The following EML6 variants were observed in gnomAD, a reference collection of about 807,000 sequenced individuals.
The protein encoded by EML6 is EMAP like 6, also known as echinoderm microtubule-associated protein-like 6.
In EML6, 154 loss-of-function variants were observed where a neutral mutation model predicts 240.1. The ratio of observed to expected loss-of-function variants is 0.64; its 90% CI spans 0.56 to 0.73. The LOEUF (loss-of-function observed/expected upper bound fraction) is 0.73, where lower values mean the gene tolerates loss of function less well. Ranked by LOEUF, EML6 falls within the 30% of genes least tolerant of loss-of-function variation. EML6 has a pLI of 0.00. For synonymous variants in EML6, 1,148 were observed against 899.0 expected, an observed-to-expected ratio of 1.28 and a Z score of -4.95; for missense variants, 2,964 against 2,474.6, an observed-to-expected ratio of 1.20 and a Z score of -4.20.
chr2:54,941,633 C>A (rs1414419435), intron 28 of EML6, among the ~76,000 whole-genome samples: 1 of 152,222 alleles, frequency 6.6e-6, no homozygotes, highest in Non-Finnish European at 1.5e-5. Flanking sequence ...ACTTCTAGTT[C>A]TACATTTCCA....
intron 7 of EML6, among the ~76,000 whole-genome samples, chr2:54,840,728 C>T (rs776004963): frequency 3.3e-5 from 5 of 152,198 alleles, no homozygotes; most frequent in African/African-American, 4.8e-5. Context: ...GCATCTACCA[C>T]GTGACAGTCA....
chr2:54,735,029 C>T (rs1683332781), intron 2 of EML6, among the ~76,000 whole-genome samples: 1 of 152,188 alleles, frequency 6.6e-6, no homozygotes. Context: ...ATCTGGCATC[C>T]TATTTTGTGT....
chr2:54,816,937 G>C (rs1668107548), intron 4 of EML6, 52 bp downstream of exon 4: 1 of 1,073,250 alleles, frequency 9.3e-7, no homozygotes, highest in South Asian at 1.3e-5. Flanking sequence ...GGGGGGACTT[G>C]TGATATCGCG....
intron 2 of EML6, among the ~76,000 whole-genome samples, chr2:54,791,758 A>T (rs11125547): frequency 0.2 from 30,966 of 152,032 alleles, 6,163 homozygotes; most frequent in African/African-American, 0.51. Flanking sequence ...TGTCCACCCT[A>T]CCGTTTGCCC....
chr2:54,726,580 A>G (rs180974651), intron 2 of EML6, among the ~76,000 whole-genome samples: 1 of 152,306 alleles, frequency 6.6e-6, no homozygotes, highest in East Asian at 1.9e-4. Flanking sequence ...TAGTGGAACT[A>G]GCATGTAAAA....
rs1478812443 is a variant in EML6, at chr2:54,953,969, C to G, written c.4313-14C>G. ...TGTCAGCCTTACTTCTTTGTCATGC[C>G]TCTCCACACTCAGGGACAACACCTT... is the stretch of plus-strand genomic sequence containing the variant. On this transcript the variant is annotated splice_polypyrimidine_tract_variant and intron_variant, in intron 31 of 41. Transcript: ENST00000356458. 1 of 1,542,884 alleles carries G rather than the reference C, an allele frequency of 6.5e-7. No individual in the cohort carries two copies. Among genetic ancestry groups the G allele is most frequent in the Non-Finnish European group, 8.8e-7 (1 of 1,141,012 alleles).
intron 32 of EML6, among the ~76,000 whole-genome samples, chr2:54,955,565 G>A (rs551324772): frequency 1.1e-4 from 16 of 152,326 alleles, no homozygotes; most frequent in Admixed American, 3.9e-4. Context: ...ATCCTTGGAA[G>A]AAAGCTCTCA....
intron 28 of EML6, among the ~76,000 whole-genome samples, chr2:54,930,419 T>A (rs1446563975): frequency 6.6e-6 from 1 of 152,210 alleles, no homozygotes; most frequent in Non-Finnish European, 1.5e-5. Flanking sequence ...CCTAAGAATT[T>A]TTCATTTTAA....
chr2:54,891,005 T>C (rs1294260037), intron 17 of EML6, 49 bp from the exon 18 acceptor site: 1 of 884,122 alleles, frequency 1.1e-6, no homozygotes, highest in Admixed American at 2.3e-5. Context: ...ATAAAACTGT[T>C]ACTGCTTCCA....
chr2:54,802,116 A>G (rs1238359974), intron 2 of EML6, among the ~76,000 whole-genome samples: 2 of 152,172 alleles, frequency 1.3e-5, no homozygotes, highest in Non-Finnish European at 2.9e-5. Flanking sequence ...TCTGGGGGTC[A>G]TCAATGGAAA....
chr2:54,844,194 C>T lies in EML6; in HGVS notation c.995C>T (p.Ala332Val), dbSNP rs763513311. The change falls in exon 8 of 42, where the codon GCC (alanine) becomes GTC (valine). Residue 332 changes from alanine (A) to valine (V), a missense_variant. Physicochemically the swap from Ala to Val is moderately conservative, Grantham distance 64 (BLOSUM62 0). Coordinates refer to ENST00000356458, the MANE Select transcript of EML6 (RefSeq NM_001039753.4). ...TGCGAGGGTGAGCTCTGGGCTCTGG[C>T]CCTGCACCCCAAGAAGCCTCTGGCT... ...GHCEGELWALALHPKKPLAVT... is the reference protein window; with the variant it reads ...GHCEGELWALVLHPKKPLAVT... 3 of 1,551,580 alleles carry T rather than the reference C, an allele frequency of 1.9e-6. No homozygotes were observed. The highest frequency in any genetic ancestry group is 1.4e-5 in the African/African-American group (1 of 73,054).
intron 8 of EML6, 40 bp downstream of exon 8, chr2:54,844,288 A>G: frequency 6.7e-7 from 1 of 1,503,458 alleles, no homozygotes; most frequent in Non-Finnish European, 9.1e-7. Context: ...CTTCTTTGAG[A>G]TGGATTTATT....
intron 26 of EML6, among the ~76,000 whole-genome samples, chr2:54,917,759 C>T (rs954743822): frequency 1.3e-5 from 2 of 152,176 alleles, no homozygotes; most frequent in African/African-American, 2.4e-5. Flanking sequence ...TTTGACTCCC[C>T]GAAGTCTCAT....
At chr2:54,857,815 G>A (rs1229040334) in intron 11 of EML6, among the ~76,000 whole-genome samples, 1 of 152,168 alleles carries the variant, frequency 6.6e-6, no homozygotes, top group Non-Finnish European at 1.5e-5. Flanking sequence ...TTAGGGAATA[G>A]CAAAGAGACC....
At position 54,789,537 on chromosome 2, in the gene EML6, A is replaced by G. The variant is rs1474126163; in HGVS notation, c.198-23695A>G. 9.7e-4 allele frequency among the ~76,000 whole-genome samples: 141 copies of G among 145,898 alleles called. 1 individual carries two copies. Among genetic ancestry groups the G allele is most frequent in the African/African-American group, 3.5e-3 (131 of 37,522 alleles). ...TCAAAAAAAAAAAAAAAAAAAAAAA[A>G]AAAAAAAAAAAGAAAAAGAATGTGC... On this transcript the variant is annotated intron_variant, in intron 2 of 41. Transcript: ENST00000356458.
chr2:54,937,299 CTT>C (rs1319878944), intron 28 of EML6, among the ~76,000 whole-genome samples: 1 of 148,848 alleles, frequency 6.7e-6, no homozygotes, highest in Non-Finnish European at 1.5e-5. Context: ...AAGAAGAAGT[CTT>C]AGGCTAAGCA....
At chr2:54,864,938 G>C (rs1281736830) in intron 13 of EML6, among the ~76,000 whole-genome samples, 1 of 152,188 alleles carries the variant, frequency 6.6e-6, no homozygotes, top group African/African-American at 2.4e-5. Context: ...AAATCATCTT[G>C]ACTGTGCATT....
At chr2:54,791,047 G>A (rs902485092) in intron 2 of EML6, among the ~76,000 whole-genome samples, 1 of 152,162 alleles carries the variant, frequency 6.6e-6, no homozygotes, top group Admixed American at 6.5e-5. Context: ...TTCAAACTTT[G>A]AAGCAAACAG....
intron 21 of EML6, 112 bp from the exon 22 acceptor site, chr2:54,899,529 C>G: frequency 1.9e-6 from 2 of 1,075,090 alleles, no homozygotes; most frequent in Non-Finnish European, 2.6e-6. Flanking sequence ...GTGTTTATTC[C>G]TATTTGTGCT....
Sources: gnomAD v4.1 joint callset for allele counts (sites outside exome capture counted in the v4.1 genomes callset) on GRCh38, gnomAD v4.1.1 for gene constraint, MANE v1.5 for transcripts, NCBI Gene and HGNC (gene_info 2026-07-23, HGNC 2026-07-21) for gene names.